Variants in PLXDC2 observed in about 807,000 individuals in gnomAD.
The protein encoded by PLXDC2 is plexin domain containing 2.
A neutral mutation model predicts 68.9 loss-of-function variants in PLXDC2; 40 were observed. The ratio of observed to expected loss-of-function variants is 0.58; its 90% CI spans 0.45 to 0.76. The LOEUF (loss-of-function observed/expected upper bound fraction) is 0.76. Among genes scored for constraint, PLXDC2 ranks in the 30% least tolerant of loss-of-function variants. The pLI, the probability that PLXDC2 is intolerant of heterozygous loss-of-function variation, is 0.00. For missense variants in PLXDC2, 644 were observed against 661.9 expected (o/e 0.97, Z 0.30); for synonymous variants, 243 against 234.2 (o/e 1.04, Z -0.34).
chr10:20,259,968 G>A (rs1835789134), intron 13 of PLXDC2, among the ~76,000 whole-genome samples: 1 of 152,158 alleles, frequency 6.6e-6, no homozygotes, highest in African/African-American at 2.4e-5. Flanking sequence ...AGCTGGGGAA[G>A]GGAAGGGAGT....
chr10:20,135,843 A>G (rs1833926322), intron 4 of PLXDC2, among the ~76,000 whole-genome samples: 1 of 152,212 alleles, frequency 6.6e-6, no homozygotes, highest in Non-Finnish European at 1.5e-5. Flanking sequence ...TAACACATGT[A>G]AATATATTTT....
chr10:19,925,107 A>G (rs1833518663), intron 1 of PLXDC2, among the ~76,000 whole-genome samples: 1 of 152,210 alleles, frequency 6.6e-6, no homozygotes, highest in South Asian at 2.1e-4. Context: ...AACCCACTTA[A>G]GTTCCAGCCG....
At chr10:19,898,675 C>T (rs1045719819) in intron 1 of PLXDC2, among the ~76,000 whole-genome samples, 4 of 152,124 alleles carry the variant, frequency 2.6e-5, no homozygotes, top group Non-Finnish European at 4.4e-5. Flanking sequence ...GTTTCTGGAT[C>T]AGTGGAAGTT....
At chr10:20,101,401 T>G (rs1833420484) in intron 4 of PLXDC2, among the ~76,000 whole-genome samples, 1 of 152,202 alleles carries the variant, frequency 6.6e-6, no homozygotes, top group South Asian at 2.1e-4. Flanking sequence ...ACTGTCTAGA[T>G]CAATCCTTTC....
intron 1 of PLXDC2, among the ~76,000 whole-genome samples, chr10:19,995,637 A>G (rs558670303): frequency 3.3e-5 from 5 of 152,218 alleles, no homozygotes; most frequent in Non-Finnish European, 7.3e-5. Context: ...GATGCCAGAT[A>G]TGGGCCAGAC....
intron 1 of PLXDC2, among the ~76,000 whole-genome samples, chr10:19,936,049 A>G (rs1179791909): frequency 6.6e-6 from 1 of 152,248 alleles, no homozygotes; most frequent in Non-Finnish European, 1.5e-5. Flanking sequence ...AACAAAATGT[A>G]TAAATTTGCT....
At chr10:20,216,768 CA>C (rs1383532580) in intron 10 of PLXDC2, among the ~76,000 whole-genome samples, 9 of 152,182 alleles carry the variant, frequency 5.9e-5, no homozygotes, top group Admixed American at 2.0e-4. Context: ...TTTGTTTTCA[CA>C]AATTAAAAAT....
intron 4 of PLXDC2, among the ~76,000 whole-genome samples, chr10:20,088,199 T>C (rs1308050579): frequency 6.6e-6 from 1 of 152,212 alleles, no homozygotes; most frequent in Non-Finnish European, 1.5e-5. Context: ...CCCTAATGTG[T>C]AGAGTAACGA....
chr10:20,161,206 T>C (rs1834286359), intron 6 of PLXDC2, among the ~76,000 whole-genome samples: 1 of 152,142 alleles, frequency 6.6e-6, no homozygotes, highest in African/African-American at 2.4e-5. Flanking sequence ...AGCTTGCTGG[T>C]TCTACTGATA....
At chr10:20,016,919 AG>A (rs1308354029) in intron 2 of PLXDC2, among the ~76,000 whole-genome samples, 2 of 152,226 alleles carry the variant, frequency 1.3e-5, no homozygotes, top group African/African-American at 2.4e-5. Context: ...GGGGGCTTAC[AG>A]GGAAAGCATC....
intron 4 of PLXDC2, among the ~76,000 whole-genome samples, chr10:20,134,299 T>G (rs11011822): frequency 0.22 from 34,053 of 152,152 alleles, 4,679 homozygotes; most frequent in East Asian, 0.5. Context: ...CTTGTTACCT[T>G]GCATTGGTAA....
At chr10:20,136,361 T>G (rs909816568) in intron 4 of PLXDC2, among the ~76,000 whole-genome samples, 1 of 152,204 alleles carries the variant, frequency 6.6e-6, no homozygotes, top group African/African-American at 2.4e-5. Context: ...GACAAGTATT[T>G]GTATTAAAGA....
At chr10:20,082,070 A>AAAAAAAAAAAAAAG (rs1554765383) in intron 4 of PLXDC2, among the ~76,000 whole-genome samples, 1 of 121,932 alleles carries the variant, frequency 8.2e-6, no homozygotes, top group Non-Finnish European at 1.8e-5. Context: ...AAATCAAAAA[A>AAAAAAAAAAAAAAG]AAAAAACAGG....
chr10:19,855,999 G>A (rs1837204753), intron 1 of PLXDC2, among the ~76,000 whole-genome samples: 1 of 152,192 alleles, frequency 6.6e-6, no homozygotes, highest in Non-Finnish European at 1.5e-5. Flanking sequence ...GGAGGCTGAG[G>A]CAGGAGAATT....
At chr10:19,879,247 G>C (rs938164489) in intron 1 of PLXDC2, among the ~76,000 whole-genome samples, 1 of 152,162 alleles carries the variant, frequency 6.6e-6, no homozygotes, top group Non-Finnish European at 1.5e-5. Flanking sequence ...GTGTAAGCCT[G>C]ATTACATTAG....
intron 9 of PLXDC2, among the ~76,000 whole-genome samples, chr10:20,184,744 G>A (rs1834656891): frequency 6.6e-6 from 1 of 151,858 alleles, no homozygotes; most frequent in Non-Finnish European, 1.5e-5. Context: ...AGAGAAACAT[G>A]AATATGCCTT....
intron 4 of PLXDC2, among the ~76,000 whole-genome samples, chr10:20,127,769 G>C (rs895239049): frequency 1.3e-5 from 2 of 152,088 alleles, no homozygotes; most frequent in African/African-American, 4.8e-5. Flanking sequence ...GCAGGAGAAT[G>C]GCTTGCACCC....
chr10:19,974,893 G>A (rs756170868), intron 1 of PLXDC2, among the ~76,000 whole-genome samples: 2 of 152,144 alleles, frequency 1.3e-5, no homozygotes, highest in Non-Finnish European at 2.9e-5. Flanking sequence ...GCAGCTTGTT[G>A]AAGGACCCAG....
intron 1 of PLXDC2, among the ~76,000 whole-genome samples, chr10:19,996,541 G>A (rs372115579): frequency 8.5e-5 from 13 of 152,124 alleles, no homozygotes; most frequent in Non-Finnish European, 1.0e-4. Flanking sequence ...AGCTATGATC[G>A]TGCCATTGCA....
Sources: allele counts gnomAD v4.1 joint callset (sites outside exome capture counted in the v4.1 genomes callset), GRCh38; gene constraint gnomAD v4.1.1; transcripts MANE v1.5; gene names NCBI Gene and HGNC (gene_info 2026-07-23, HGNC 2026-07-21).